Variants in ARHGEF10 observed in about 807,000 individuals in gnomAD.
ARHGEF10 encodes Rho guanine nucleotide exchange factor (GEF) 10.
ARHGEF10 carries 140 observed loss-of-function variants against 147.4 expected under a neutral mutation model. That is an observed-to-expected ratio of 0.95 (90% CI 0.83 to 1.09). The LOEUF is 1.09. ARHGEF10 is among the 50% of genes least tolerant of loss of function. The pLI is 0.00. For missense variants in ARHGEF10, 2,222 were observed against 1,752.7 expected, an observed-to-expected ratio of 1.27 and a Z score of -4.78; for synonymous variants, 902 against 695.8, an observed-to-expected ratio of 1.30 and a Z score of -4.67.
intron 27 of ARHGEF10, among the ~76,000 whole-genome samples, chr8:1,950,451 C>T (rs1176003018): frequency 1.3e-5 from 2 of 152,196 alleles, no homozygotes; most frequent in Non-Finnish European, 2.9e-5. Flanking sequence ...TCTTTTACGT[C>T]GTTCCTGGGT....
intron 1 of ARHGEF10, chr8:1,826,204 A>C: frequency 7.4e-7 from 1 of 1,353,698 alleles, no homozygotes; most frequent in Non-Finnish European, 1.0e-6. Context: ...GGGTGAAGTG[A>C]AGTTAAAAGT....
chr8:1,936,677 T>C (rs1303206954), intron 26 of ARHGEF10, among the ~76,000 whole-genome samples: 1 of 152,240 alleles, frequency 6.6e-6, no homozygotes, highest in Non-Finnish European at 1.5e-5. Flanking sequence ...AAAATACTTC[T>C]CTAGACCATC....
intron 26 of ARHGEF10, among the ~76,000 whole-genome samples, chr8:1,938,241 A>G (rs1585613174): frequency 6.6e-6 from 1 of 152,222 alleles, no homozygotes; most frequent in East Asian, 1.9e-4. Flanking sequence ...TAGGAACACG[A>G]TGCAGTGCTA....
At chr8:1,844,220 T>A (rs184233974) in intron 2 of ARHGEF10, among the ~76,000 whole-genome samples, 6 of 152,220 alleles carry the variant, frequency 3.9e-5, no homozygotes, top group Admixed American at 3.9e-4. Flanking sequence ...TCTTGGGAGA[T>A]GCTGGGATTT....
At chr8:1,924,801 A>G (rs1392881245) in intron 21 of ARHGEF10, among the ~76,000 whole-genome samples, 3 of 152,228 alleles carry the variant, frequency 2.0e-5, no homozygotes, top group Non-Finnish European at 2.9e-5. Flanking sequence ...GATCAGCTAT[A>G]TATTCTTTAA....
At chr8:1,850,194 G>C (rs113788315) in intron 2 of ARHGEF10, among the ~76,000 whole-genome samples, 1,209 of 71,534 alleles carry the variant, frequency 0.017, 5 homozygotes, top group South Asian at 0.027. Flanking sequence ...AGGGCGTGGG[G>C]CGGCCACATG....
chr8:1,830,770 G>T (rs1429125902), intron 1 of ARHGEF10, among the ~76,000 whole-genome samples: 2 of 152,188 alleles, frequency 1.3e-5, no homozygotes, highest in Non-Finnish European at 2.9e-5. Flanking sequence ...GCTACAAGGT[G>T]GAGAAATAAG....
intron 4 of ARHGEF10, among the ~76,000 whole-genome samples, chr8:1,862,991 A>G (rs1237582200): frequency 2.0e-5 from 3 of 151,136 alleles, no homozygotes; most frequent in Non-Finnish European, 3.0e-5. Context: ...CACCATGTTG[A>G]CCAGGATGGA....
At chr8:1,921,476 C>G (rs1812284386) in intron 18 of ARHGEF10, among the ~76,000 whole-genome samples, 2 of 152,228 alleles carry the variant, frequency 1.3e-5, no homozygotes, top group South Asian at 4.1e-4. Flanking sequence ...CGCCTCTAAT[C>G]CCAGCACTTG....
At chr8:1,931,768 C>T (rs1400723195) in intron 25 of ARHGEF10, among the ~76,000 whole-genome samples, 2 of 146,098 alleles carry the variant, frequency 1.4e-5, no homozygotes, top group Non-Finnish European at 3.0e-5. Context: ...TAGTTCAAAA[C>T]GTCATTAGCG....
intron 18 of ARHGEF10, among the ~76,000 whole-genome samples, chr8:1,920,012 GTGGATGATGGAGCTGTTCTA>G (rs1812134126): frequency 2.8e-5 from 3 of 108,452 alleles, no homozygotes; most frequent in Non-Finnish European, 3.8e-5. Context: ...GAGCTGTTCT[GTGGATGATGGAGCTGTTCTA>G]TGGGTGATGG....
chr8:1,934,091 C>A, intron 26 of ARHGEF10, 149 bp downstream of exon 26: 1 of 1,044,084 alleles, frequency 9.6e-7, no homozygotes, highest in African/African-American at 1.6e-5. Context: ...TGCCAACACT[C>A]TGGGAGGCCA....
At chr8:1,922,092 T>C (rs1452663945) in intron 18 of ARHGEF10, among the ~76,000 whole-genome samples, 3 of 152,262 alleles carry the variant, frequency 2.0e-5, no homozygotes, top group Middle Eastern at 3.4e-3. Flanking sequence ...GAATCTGTCC[T>C]CTGAGCCTGT....
At chr8:1,898,609 T>A in intron 15 of ARHGEF10, 84 bp downstream of exon 15, 1 of 1,369,058 alleles carries the variant, frequency 7.3e-7, no homozygotes, top group Non-Finnish European at 1.0e-6. Flanking sequence ...TCCTCCACTT[T>A]GGAATGGCTG....
In ARHGEF10 at chr8:1,886,856, G is replaced by A. The variant is rs117114240; in HGVS notation, c.1182+1149G>A. 2.3e-3 allele frequency among the ~76,000 whole-genome samples: 348 copies of A among 152,234 alleles called. 2 individuals carry two copies. Among genetic ancestry groups the A allele is most frequent in the Middle Eastern group, 0.01 (3 of 294 alleles). Reference sequence around the variant, plus strand: ...GTGTCTGATCTCAGTCTCTCCCATCGCAGCCTGCTCCTAACCTGTCTGTGC... The same window carrying A: ...GTGTCTGATCTCAGTCTCTCCCATCACAGCCTGCTCCTAACCTGTCTGTGC... On this transcript the variant is annotated intron_variant, in intron 11 of 28. Transcript: ENST00000349830.
intron 7 of ARHGEF10, chr8:1,871,268 T>C (rs1585334428): frequency 6.6e-6 from 1 of 152,082 alleles, no homozygotes; most frequent in African/African-American, 2.4e-5. Context: ...ATTAACTATA[T>C]AGTATGCCTC....
intron 11 of ARHGEF10, among the ~76,000 whole-genome samples, chr8:1,888,316 C>CAG (rs1808956760): frequency 2.8e-5 from 2 of 71,098 alleles, no homozygotes; most frequent in African/African-American, 1.3e-4. Flanking sequence ...TGAGGATATG[C>CAG]TGAGTGGGAT....
chr8:1,876,387 G>A (rs56034634), intron 7 of ARHGEF10, 184 bp from the exon 8 acceptor site: 2 of 651,684 alleles, frequency 3.1e-6, no homozygotes, highest in African/African-American at 1.8e-5. Context: ...GGCCCTGCCC[G>A]GGTGGTGGAG....
At chr8:1,873,132 C>A (rs1007057846) in intron 7 of ARHGEF10, among the ~76,000 whole-genome samples, 2 of 152,116 alleles carry the variant, frequency 1.3e-5, no homozygotes, top group African/African-American at 4.8e-5. Context: ...AGTTAATGGA[C>A]CGGCCATCCA....
Sources: gnomAD v4.1 joint callset for allele counts (sites outside exome capture counted in the v4.1 genomes callset) on GRCh38, gnomAD v4.1.1 for gene constraint, MANE v1.5 for transcripts, NCBI Gene and HGNC (gene_info 2026-07-23, HGNC 2026-07-21) for gene names.